CCDC146: variants seen among roughly 807,000 people sequenced by gnomAD.
CCDC146 encodes coiled-coil domain containing 146.
Under a neutral mutation model 119.3 loss-of-function variants are expected in CCDC146, and 92 were observed. The observed-to-expected ratio is 0.77, with a 90% CI of 0.65 to 0.92. CCDC146 has a LOEUF of 0.92. Among genes scored for constraint, CCDC146 ranks in the 40% least tolerant of loss-of-function variants. CCDC146 has a pLI of 0.00. For missense variants in CCDC146, 1,000 were observed against 1,103.0 expected, an observed-to-expected ratio of 0.91 and a Z score of 1.32; for synonymous variants, 372 against 371.8, an observed-to-expected ratio of 1.00 and a Z score of -0.01.
chr7:77,170,004 T>TA (rs1404492623), intron 2 of CCDC146, among the ~76,000 whole-genome samples: 2 of 152,216 alleles, frequency 1.3e-5, no homozygotes, highest in Admixed American at 6.6e-5. Flanking sequence ...TCTTTATATA[T>TA]TTTTTAATCT....
At chr7:77,219,830 G>A (rs1792368528) in intron 2 of CCDC146, among the ~76,000 whole-genome samples, 1 of 152,138 alleles carries the variant, frequency 6.6e-6, no homozygotes, top group African/African-American at 2.4e-5. Context: ...AGGAGGGAGT[G>A]TATGAATAGG....
chr7:77,176,337 A>G (rs1391036667), intron 2 of CCDC146, among the ~76,000 whole-genome samples: 4 of 151,220 alleles, frequency 2.6e-5, no homozygotes. Context: ...GCACAGTGGC[A>G]TTGGCAATGA....
At chr7:77,142,675 T>C (rs1201350353) in intron 1 of CCDC146, among the ~76,000 whole-genome samples, 1 of 151,894 alleles carries the variant, frequency 6.6e-6, no homozygotes, top group Non-Finnish European at 1.5e-5. Context: ...TTTGGTTTTT[T>C]GTTCTTGCGA....
chr7:77,216,096 C>T (rs1259636786), intron 2 of CCDC146, among the ~76,000 whole-genome samples: 1 of 151,794 alleles, frequency 6.6e-6, no homozygotes, highest in Non-Finnish European at 1.5e-5. Flanking sequence ...CATAGTATAG[C>T]TTCTGTAATT....
At chr7:77,133,290 T>C (rs1162036389) in intron 1 of CCDC146, among the ~76,000 whole-genome samples, 1 of 152,218 alleles carries the variant, frequency 6.6e-6, no homozygotes, top group Non-Finnish European at 1.5e-5. Flanking sequence ...TTACACTTAG[T>C]GCTACACTTT....
intron 2 of CCDC146, among the ~76,000 whole-genome samples, chr7:77,227,599 C>G (rs907343094): frequency 1.3e-5 from 2 of 152,224 alleles, no homozygotes; most frequent in African/African-American, 2.4e-5. Context: ...GCCACGGCGC[C>G]TGGCCACCAT....
chr7:77,165,255 A>G (rs1791323425), intron 1 of CCDC146, among the ~76,000 whole-genome samples: 1 of 151,910 alleles, frequency 6.6e-6, no homozygotes, highest in Non-Finnish European at 1.5e-5. Flanking sequence ...TGTATGACCT[A>G]CGCAGTCACA....
chr7:77,163,741 A>C (rs1462530330), intron 1 of CCDC146, among the ~76,000 whole-genome samples: 3 of 152,156 alleles, frequency 2.0e-5, no homozygotes, highest in Non-Finnish European at 2.9e-5. Context: ...TTATAGATAA[A>C]ATTGCTCATG....
intron 9 of CCDC146, among the ~76,000 whole-genome samples, chr7:77,267,993 G>A (rs1175622574): frequency 2.0e-5 from 3 of 152,166 alleles, no homozygotes; most frequent in Admixed American, 6.5e-5. Context: ...GAGAACACAC[G>A]CCATGGAGAA....
intron 2 of CCDC146, among the ~76,000 whole-genome samples, chr7:77,235,433 C>T (rs928768752): frequency 3.3e-5 from 5 of 152,166 alleles, no homozygotes; most frequent in Non-Finnish European, 7.4e-5. Context: ...AATGACTAAT[C>T]AGAGGCCCTG....
chr7:77,174,584 C>T (rs962987853), intron 2 of CCDC146, among the ~76,000 whole-genome samples: 6 of 152,092 alleles, frequency 3.9e-5, no homozygotes, highest in African/African-American at 1.2e-4. Flanking sequence ...CAGTAACTTC[C>T]TGATGTTACC....
intron 1 of CCDC146, among the ~76,000 whole-genome samples, chr7:77,150,351 A>G (rs1791092001): frequency 6.6e-6 from 1 of 152,314 alleles, no homozygotes; most frequent in East Asian, 1.9e-4. Flanking sequence ...AACTCTCACA[A>G]CTTAATAATG....
intron 9 of CCDC146, among the ~76,000 whole-genome samples, chr7:77,267,992 C>T (rs1401768875): frequency 2.0e-5 from 3 of 152,138 alleles, no homozygotes; most frequent in Non-Finnish European, 4.4e-5. Context: ...GGAGAACACA[C>T]GCCATGGAGA....
intron 2 of CCDC146, chr7:77,198,916 C>T: frequency 2.1e-6 from 1 of 481,618 alleles, no homozygotes; most frequent in Non-Finnish European, 3.6e-6. Flanking sequence ...TCTACTTCTG[C>T]TTGCAAGTAG....
Position 77,258,904 on chromosome 7 carries a change from T to A in CCDC146, c.685-91T>A, listed in dbSNP as rs1793234040. 4 of 799,014 alleles carry A rather than the reference T, an allele frequency of 5.0e-6. No homozygotes were observed. The South Asian group carries it at 6.0e-5, about 12-fold the overall frequency. The allele number at this position is 799,014 out of a possible 1,614,324, so 49.5% of individuals were successfully genotyped here. On this transcript the variant is annotated intron_variant, in intron 6 of 18. Coordinates refer to ENST00000285871, the MANE Select transcript of CCDC146 (RefSeq NM_020879.3). ...GCAGATGGTAAGTATCTACATATTG[T>A]AGTTCCTTTCTCTCTCATATTTAAT... is the stretch of plus-strand genomic sequence containing the variant.
At chr7:77,133,845 A>ACACT (rs1311724915) in intron 1 of CCDC146, among the ~76,000 whole-genome samples, 1 of 151,698 alleles carries the variant, frequency 6.6e-6, no homozygotes, top group African/African-American at 2.4e-5. Flanking sequence ...ACACACACAC[A>ACACT]CACACACACT....
chr7:77,136,880 A>G (rs1790867157), intron 1 of CCDC146, among the ~76,000 whole-genome samples: 1 of 152,188 alleles, frequency 6.6e-6, no homozygotes. Flanking sequence ...TGAATCAACA[A>G]TGTATAAAAA....
chr7:77,254,302 T>C (rs1263735931), intron 4 of CCDC146, among the ~76,000 whole-genome samples: 1 of 152,136 alleles, frequency 6.6e-6, no homozygotes, highest in Non-Finnish European at 1.5e-5. Context: ...TGGGTTGTGT[T>C]CACAAAGTTG....
intron 18 of CCDC146, among the ~76,000 whole-genome samples, chr7:77,293,598 A>T (rs1382731318): frequency 6.6e-6 from 1 of 152,192 alleles, no homozygotes; most frequent in Non-Finnish European, 1.5e-5. Flanking sequence ...CACAGCATAC[A>T]GTGAGGCCTC....
Sources: gnomAD v4.1 joint callset for allele counts (sites outside exome capture counted in the v4.1 genomes callset) on GRCh38, gnomAD v4.1.1 for gene constraint, MANE v1.5 for transcripts, NCBI Gene and HGNC (gene_info 2026-07-23, HGNC 2026-07-21) for gene names.